The following CD96 variants were observed in gnomAD, a reference collection of about 807,000 sequenced individuals.
The protein encoded by CD96 is T-cell surface protein tactile.
Under a neutral mutation model 71.3 loss-of-function variants are expected in CD96, and 70 were observed. That is an observed-to-expected ratio of 0.98 (90% CI 0.81 to 1.20). CD96 has a LOEUF of 1.20. Among genes scored for constraint, CD96 ranks in the 50% most tolerant of loss-of-function variants. The pLI is 0.00. For synonymous variants in CD96, 248 were observed against 233.0 expected, an observed-to-expected ratio of 1.06 and a Z score of -0.59; for missense variants, 742 against 677.5, an observed-to-expected ratio of 1.10 and a Z score of -1.06.
chr3:111,544,952 G>C (rs1934310031), intron 1 of CD96, 94 bp from the exon 2 acceptor site: 1 of 1,018,488 alleles, frequency 9.8e-7, no homozygotes, highest in Non-Finnish European at 1.6e-6. Context: ...TTCCTCAGTT[G>C]CTCCCCTCAC....
intron 7 of CD96, among the ~76,000 whole-genome samples, chr3:111,602,315 A>G (rs558658120): frequency 2.7e-4 from 41 of 152,344 alleles, no homozygotes; most frequent in African/African-American, 9.6e-4. Context: ...TGATTTCAGT[A>G]TCAGAAAATA....
intron 14 of CD96, among the ~76,000 whole-genome samples, chr3:111,661,244 T>A (rs116258517): frequency 6.6e-6 from 1 of 152,202 alleles, no homozygotes; most frequent in Non-Finnish European, 1.5e-5. Context: ...CCCACTTCCA[T>A]GATCCAGTCA....
intron 8 of CD96, among the ~76,000 whole-genome samples, chr3:111,608,019 G>A (rs1056426842): frequency 6.8e-6 from 1 of 146,404 alleles, no homozygotes; most frequent in Non-Finnish European, 1.5e-5. Flanking sequence ...ATATATTGTC[G>A]CATATGGTTT....
chr3:111,579,212 C>T lies in CD96; in HGVS notation c.729C>T (p.Ser243=), dbSNP rs887296353. 13 of 1,599,744 alleles carry T rather than the reference C, an allele frequency of 8.1e-6. No individual in the cohort carries two copies. Among genetic ancestry groups the T allele is most frequent in the Non-Finnish European group, 8.6e-6 (10 of 1,166,910 alleles). The change falls in exon 4 of 14, where the codon AGC becomes AGT. Residue 243 remains serine, a synonymous_variant. Transcript: ENST00000352690. ...IRVGPNKILR[S]STTVKVFAKP... is the part of the protein sequence containing the mutation. The stretch of plus-strand genomic sequence containing the variant: ...TCGGTCCTAACAAAATCTTGAGGAG[C>T]TCCACCACAGTCAAGGTTTTTGGTA...
At chr3:111,637,162 A>G in intron 10 of CD96, 34 bp from the exon 11 acceptor site, 1 of 1,130,384 alleles carries the variant, frequency 8.8e-7, no homozygotes, top group South Asian at 1.2e-5. Flanking sequence ...ATAGTCTCAT[A>G]TAGGTTAACT....
intron 14 of CD96, among the ~76,000 whole-genome samples, chr3:111,664,062 C>G (rs1424976310): frequency 6.6e-6 from 1 of 152,138 alleles, no homozygotes; most frequent in African/African-American, 2.4e-5. Flanking sequence ...TTATACACTT[C>G]TGGTGGGAAT....
Position 111,623,612 on chromosome 3 carries a change from G to A in CD96, c.1181-142G>A, listed in dbSNP as rs149713233. On this transcript the variant is annotated intron_variant, in intron 8 of 13. Transcript: ENST00000352690. The stretch of plus-strand genomic sequence containing the variant: ...CCACAAGCATATTCCTTTTGGATTC[G>A]GTTTCATCATTTATAAAATGAGGCT... The A allele has an allele frequency of 2.5e-4, 168 of 672,106 alleles. No individual in the cohort carries two copies. In the East Asian group the frequency reaches 3.9e-3, roughly 16 times the overall value. The allele number at this position is 672,106 out of a possible 1,614,324, so 41.6% of individuals were successfully genotyped here.
Position 111,579,013 on chromosome 3 carries a change from AT to A in CD96, c.544-9del. On this transcript the variant is annotated splice_polypyrimidine_tract_variant and intron_variant, in intron 3 of 13. Transcript: ENST00000352690. ...GTTGAGGACTCAATAACTGGTAACA[AT>A]TTTTCTCACCAGGAGGATAATGGAA... The A allele has an allele frequency of 6.7e-7, 1 of 1,483,934 alleles. No homozygotes were observed. The highest frequency in any genetic ancestry group is 9.4e-7 in the Non-Finnish European group (1 of 1,061,752). 91.9% of individuals were successfully genotyped at this position (1,483,934 alleles called of 1,614,324 possible). A position where few individuals can be genotyped will look rare whatever the true frequency, so the allele number is the denominator to read the frequency against.
At chr3:111,646,136 G>A (rs752951244) in intron 12 of CD96, among the ~76,000 whole-genome samples, 3 of 151,992 alleles carry the variant, frequency 2.0e-5, no homozygotes, top group Non-Finnish European at 4.4e-5. Flanking sequence ...CCATGTAATC[G>A]AAATACCTAA....
In CD96 at chr3:111,649,807, T is replaced by C. The variant is rs779036624; in HGVS notation, c.*1T>C. The C allele has an allele frequency of 1.3e-6, 2 of 1,572,616 alleles. No homozygotes were observed. The highest frequency in any genetic ancestry group is 2.2e-5 in the South Asian group (2 of 90,282). ...TTATCATGAGATGGAGACCCTCTAG[T>C]CTCGTGAGACTTTGCCCCATGGCAG... is the stretch of plus-strand genomic sequence containing the variant. On this transcript the variant is annotated 3_prime_UTR_variant, in exon 14 of 14. Coordinates refer to ENST00000352690, the MANE Select transcript of CD96 (RefSeq NM_005816.5).
chr3:111,611,580 C>CA (rs1306955763), intron 8 of CD96, among the ~76,000 whole-genome samples: 1 of 152,040 alleles, frequency 6.6e-6, no homozygotes, highest in Non-Finnish European at 1.5e-5. Flanking sequence ...TCAGGTGCCT[C>CA]AATTGCTGTC....
intron 5 of CD96, chr3:111,593,816 G>A (rs1402192191): frequency 5.0e-6 from 8 of 1,614,018 alleles, no homozygotes; most frequent in Non-Finnish European, 6.8e-6. Context: ...GGGGAGCTGG[G>A]GCCCGTGGGG....
At chr3:111,591,371 T>TAAAAAAA (rs3082283) in intron 5 of CD96, among the ~76,000 whole-genome samples, 1 of 88,104 alleles carries the variant, frequency 1.1e-5, no homozygotes, top group Admixed American at 1.5e-4. Context: ...GACTCCATCT[T>TAAAAAAA]AAAAAAAAAA....
intron 3 of CD96, among the ~76,000 whole-genome samples, chr3:111,577,714 T>C (rs1336523284): frequency 6.6e-6 from 1 of 152,226 alleles, no homozygotes; most frequent in Non-Finnish European, 1.5e-5. Flanking sequence ...GAATTTTCTA[T>C]TTAAACTATT....
chr3:111,630,879 A>G (rs905315358), intron 10 of CD96, among the ~76,000 whole-genome samples: 1 of 152,260 alleles, frequency 6.6e-6, no homozygotes, highest in Non-Finnish European at 1.5e-5. Flanking sequence ...AATGTGATTC[A>G]TCACATAAAC....
chr3:111,593,567 A>G, intron 5 of CD96: 1 of 1,531,004 alleles, frequency 6.5e-7, no homozygotes, highest in Non-Finnish European at 8.8e-7. Flanking sequence ...GAAGGGATGT[A>G]CTGCTGCAGG....
chr3:111,614,619 G>A (rs1277458074), intron 8 of CD96, among the ~76,000 whole-genome samples: 1 of 152,122 alleles, frequency 6.6e-6, no homozygotes, highest in Non-Finnish European at 1.5e-5. Flanking sequence ...CTTCCTGAGT[G>A]AGATTCTTTT....
chr3:111,573,936 A>G lies in CD96; in HGVS notation c.544-5091A>G, dbSNP rs367544223. On this transcript the variant is annotated intron_variant, in intron 3 of 13. Transcript: ENST00000352690. Reference sequence around the variant, plus strand: ...GTGCCAACCAAACTACAAAGTGTTGATAACCAACAGCAATGGTTAGAAATA... The same window carrying G: ...GTGCCAACCAAACTACAAAGTGTTGGTAACCAACAGCAATGGTTAGAAATA... Among the ~76,000 whole-genome samples, 11 of 152,338 alleles carry G rather than the reference A, an allele frequency of 7.2e-5. 1 individual carries two copies. The highest frequency in any genetic ancestry group is 2.0e-4 in the Admixed American group (3 of 15,304).
Position 111,562,060 on chromosome 3 carries a change from C to T in CD96, c.419-5463C>T, listed in dbSNP as rs561892595. On this transcript the variant is annotated intron_variant, in intron 2 of 13. Transcript: ENST00000352690. ...CCAGGTGAGGCAATGCCTCGCCCTG[C>T]TTCGGCTCCCGCACGGTGCGCGCAC... 1.8e-4 allele frequency among the ~76,000 whole-genome samples: 28 copies of T among 152,364 alleles called. 1 individual carries two copies. Among genetic ancestry groups the T allele is most frequent in the African/African-American group, 5.3e-4 (22 of 41,594 alleles).
Sources: gnomAD v4.1 joint callset for allele counts (sites outside exome capture counted in the v4.1 genomes callset) on GRCh38, gnomAD v4.1.1 for gene constraint, MANE v1.5 for transcripts, NCBI Gene and HGNC (gene_info 2026-07-23, HGNC 2026-07-21) for gene names.